The following AGAP1 variants were observed in gnomAD, a reference collection of about 807,000 sequenced individuals.
The protein encoded by AGAP1 is ArfGAP with GTPase domain, ankyrin repeat and PH domain 1.
Under a neutral mutation model 105.3 loss-of-function variants are expected in AGAP1, and 29 were observed. The ratio of observed to expected loss-of-function variants is 0.28; its 90% confidence interval spans 0.21 to 0.38. The LOEUF (loss-of-function observed/expected upper bound fraction) is 0.38. AGAP1 is among the 10% of genes least tolerant of loss of function. The pLI, the probability that AGAP1 is intolerant of heterozygous loss-of-function variation, is 1.00. For synonymous variants in AGAP1, 509 were observed against 485.9 expected, an observed-to-expected ratio of 1.05 and a Z score of -0.63; for missense variants, 998 against 1,165.1, an observed-to-expected ratio of 0.86 and a Z score of 2.09.
At chr2:235,972,101 A>T (rs1004266448) in intron 13 of AGAP1, among the ~76,000 whole-genome samples, 5 of 152,122 alleles carry the variant, frequency 3.3e-5, no homozygotes, top group African/African-American at 7.2e-5. Flanking sequence ...TGAGAATACT[A>T]TTCTATTATA....
chr2:235,855,782 A>ACGTGT lies in AGAP1; in HGVS notation c.1051-27560_1051-27559insGTCGT, dbSNP rs1248751872. 2.6e-5 allele frequency among the ~76,000 whole-genome samples: 4 copies of ACGTGT among 152,182 alleles called. No individual in the cohort carries two copies. Among genetic ancestry groups the ACGTGT allele is most frequent in the Non-Finnish European group, 5.9e-5 (4 of 68,046 alleles). ...CAGTGACAAGTGGGTGATTGGGGAC[A>ACGTGT]CGTCCTTGAGGCTCATGCCTTAGAG... On this transcript the variant is annotated intron_variant, in intron 9 of 17. Transcript: ENST00000304032. This position sits in a 1 kb window ranked among gnomAD's most constrained non-coding sequence, Gnocchi z 5.0.
rs1336447698 is a variant in AGAP1 at position 235,517,869 on chromosome 2, G to A, written c.163+23020G>A. Reference sequence around the variant, plus strand: ...GGAGAATCTCTTGAACCCGGGAAGTGTTGGAGTGAGCCAAGATTGTGCCTC... The same window carrying A: ...GGAGAATCTCTTGAACCCGGGAAGTATTGGAGTGAGCCAAGATTGTGCCTC... On this transcript the variant is annotated intron_variant, in intron 1 of 17. Coordinates refer to ENST00000304032, the MANE Select transcript of AGAP1 (RefSeq NM_001037131.3). This position sits in a 1 kb window ranked among gnomAD's most constrained non-coding sequence, Gnocchi z 4.1. 3.3e-5 allele frequency among the ~76,000 whole-genome samples: 5 copies of A among 151,080 alleles called. No individual in the cohort carries two copies. The highest frequency in any genetic ancestry group is 9.7e-5 in the African/African-American group (4 of 41,064).
intron 1 of AGAP1, among the ~76,000 whole-genome samples, chr2:235,697,949 A>G (rs893522918): frequency 1.3e-5 from 2 of 152,208 alleles, no homozygotes; most frequent in Non-Finnish European, 2.9e-5. Context: ...TACTACCAGC[A>G]TCTAAGCTGC....
rs948442634 is a variant in AGAP1 at position 236,061,554 on chromosome 2, G to A, written c.2114+12273G>A. On this transcript the variant is annotated intron_variant, in intron 16 of 17. Coordinates refer to ENST00000304032, the MANE Select transcript of AGAP1 (RefSeq NM_001037131.3). The surrounding 1 kb of genome is among the most constrained non-coding windows in gnomAD (Gnocchi z 4.1). ...GTGAAGTGTGGATACAGGTTGTAAC[G>A]TGGGTGAACCTCGAAGACATGATGC... 1.3e-5 allele frequency among the ~76,000 whole-genome samples: 2 copies of A among 152,136 alleles called. No homozygotes were observed. Among genetic ancestry groups the A allele is most frequent in the East Asian group, 1.9e-4 (1 of 5,196 alleles).
In AGAP1 at chr2:235,891,259, G is replaced by T. The variant is rs907903532; in HGVS notation, c.1155+7810G>T. Among the ~76,000 whole-genome samples the T allele has an allele frequency of 6.6e-6, 1 of 152,188 alleles. No homozygotes were observed. The highest frequency in any genetic ancestry group is 1.5e-5 in the Non-Finnish European group (1 of 68,038). On this transcript the variant is annotated intron_variant, in intron 10 of 17. Coordinates refer to ENST00000304032, the MANE Select transcript of AGAP1 (RefSeq NM_001037131.3). This position sits in a 1 kb window ranked among gnomAD's most constrained non-coding sequence, Gnocchi z 4.2. ...TAACCCTAAACATTTAAATAAGACT[G>T]ACACGGTCAAAGCAAGCACGCTGGC...
At chr2:235,617,993 T>G (rs1946362602) in intron 1 of AGAP1, among the ~76,000 whole-genome samples, 1 of 151,952 alleles carries the variant, frequency 6.6e-6, no homozygotes, top group African/African-American at 2.4e-5. Context: ...CTGAGTTGAG[T>G]AGCTCACATC....
chr2:235,513,738 C>G (rs755372029), intron 1 of AGAP1, among the ~76,000 whole-genome samples: 37 of 152,140 alleles, frequency 2.4e-4, no homozygotes, highest in Non-Finnish European at 4.4e-4. Context: ...GAACCAAATC[C>G]TGGAGCCTGG....
In AGAP1 at chr2:235,621,356, A is replaced by G. The variant is rs2149270807; in HGVS notation, c.164-87823A>G. On this transcript the variant is annotated intron_variant, in intron 1 of 17. Coordinates refer to ENST00000304032, the MANE Select transcript of AGAP1 (RefSeq NM_001037131.3). This position sits in a 1 kb window ranked among gnomAD's most constrained non-coding sequence, Gnocchi z 4.1. Reference sequence around the variant, plus strand: ...AATTTCATTGTGCCTTGGTTTCTTCATATGTTTCAATAAAATGGGTATGTT... The same window carrying G: ...AATTTCATTGTGCCTTGGTTTCTTCGTATGTTTCAATAAAATGGGTATGTT... 6.6e-6 allele frequency among the ~76,000 whole-genome samples: 1 copy of G among 152,250 alleles called. No homozygotes were observed.
chr2:235,795,578 A>C (rs898017987), intron 6 of AGAP1, among the ~76,000 whole-genome samples: 1 of 152,180 alleles, frequency 6.6e-6, no homozygotes, highest in Non-Finnish European at 1.5e-5. Context: ...ATTTTAGAAC[A>C]ATATATTTAT....
At chr2:235,571,096 C>T (rs937874073) in intron 1 of AGAP1, among the ~76,000 whole-genome samples, 1 of 152,122 alleles carries the variant, frequency 6.6e-6, no homozygotes, top group African/African-American at 2.4e-5. Context: ...TTGCAGGGGG[C>T]TGTGCCACAC....
At chr2:235,520,259 T>G (rs747330702) in intron 1 of AGAP1, among the ~76,000 whole-genome samples, 1 of 152,252 alleles carries the variant, frequency 6.6e-6, no homozygotes, top group African/African-American at 2.4e-5. Flanking sequence ...TCCAGTTGTC[T>G]CATGATTACC....
intron 9 of AGAP1, among the ~76,000 whole-genome samples, chr2:235,835,266 C>G (rs1195027738): frequency 6.6e-6 from 1 of 152,162 alleles, no homozygotes; most frequent in East Asian, 1.9e-4. Context: ...TGTTTATAAC[C>G]CTTGGAAGGT....
Position 235,864,118 on chromosome 2 carries a change from A to G in AGAP1, c.1051-19227A>G, listed in dbSNP as rs2049049759. Among the ~76,000 whole-genome samples, 2 of 152,234 alleles carry G rather than the reference A, an allele frequency of 1.3e-5. No individual in the cohort carries two copies. Among genetic ancestry groups the G allele is most frequent in the Non-Finnish European group, 1.5e-5 (1 of 68,046 alleles). On this transcript the variant is annotated intron_variant, in intron 9 of 17. Coordinates refer to ENST00000304032, the MANE Select transcript of AGAP1 (RefSeq NM_001037131.3). This position sits in a 1 kb window ranked among gnomAD's most constrained non-coding sequence, Gnocchi z 5.0. ...GCCGTTCCCACGTGATTTAATAAAC[A>G]GTTGCTGTAGCATGTGTAATCTTTG...
At chr2:236,032,787 C>T (rs752177479) in intron 13 of AGAP1, among the ~76,000 whole-genome samples, 1 of 151,906 alleles carries the variant, frequency 6.6e-6, no homozygotes. Context: ...AATCCAGGTC[C>T]GCAAGAAGGT....
At chr2:235,844,077 A>G (rs1218171796) in intron 9 of AGAP1, among the ~76,000 whole-genome samples, 2 of 152,028 alleles carry the variant, frequency 1.3e-5, no homozygotes, top group East Asian at 1.9e-4. Flanking sequence ...TGTCCTCCCC[A>G]CTGCTAATGA....
rs993431363 is a variant in AGAP1, at chr2:236,050,977, T to A, written c.2114+1696T>A. 1.3e-5 allele frequency among the ~76,000 whole-genome samples: 2 copies of A among 152,252 alleles called. No individual in the cohort carries two copies. Among genetic ancestry groups the A allele is most frequent in the Non-Finnish European group, 2.9e-5 (2 of 68,050 alleles). On this transcript the variant is annotated intron_variant, in intron 16 of 17. Transcript: ENST00000304032. This position sits in a 1 kb window ranked among gnomAD's most constrained non-coding sequence, Gnocchi z 4.0. The stretch of plus-strand genomic sequence containing the variant: ...AATTAAGTTCTTGAGTGCAGAGCCC[T>A]GTCTTTTTTCCAGTGTTACATACAT...
Position 235,982,025 on chromosome 2 carries a change from A to G in AGAP1, c.1645+13402A>G, listed in dbSNP as rs1559721926. Among the ~76,000 whole-genome samples, 1 of 152,228 alleles carries G rather than the reference A, an allele frequency of 6.6e-6. No homozygotes were observed. The highest frequency in any genetic ancestry group is 1.5e-5 in the Non-Finnish European group (1 of 68,042). ...ATTTTAATAAGTTAATATTCCAACC[A>G]TAAAAACTTCTGACATTTTACCCGA... On this transcript the variant is annotated intron_variant, in intron 13 of 17. Coordinates refer to ENST00000304032, the MANE Select transcript of AGAP1 (RefSeq NM_001037131.3). The surrounding 1 kb of genome is among the most constrained non-coding windows in gnomAD (Gnocchi z 4.9).
In AGAP1 at chr2:236,049,141, T is replaced by G. The variant is rs757713932; in HGVS notation, c.1974T>G (p.Leu658=). The change falls in exon 16 of 18, where the codon CTT becomes CTG. Residue 658 remains leucine (L), a synonymous_variant. Transcript: ENST00000304032. ...SGIHRNLGTH[L]SRVRSLDLDD... is the part of the protein sequence containing the mutation. Reference sequence around the variant, plus strand: ...TCCACCGGAATCTTGGCACCCACCTTTCCCGAGTCCGATCTCTGGACCTGG... The same window carrying G: ...TCCACCGGAATCTTGGCACCCACCTGTCCCGAGTCCGATCTCTGGACCTGG... 5 of 1,614,234 alleles carry G rather than the reference T, an allele frequency of 3.1e-6. No individual in the cohort carries two copies. The Admixed American group carries it at 8.3e-5, about 27-fold the overall frequency.
rs1957088374 is a variant in AGAP1, at chr2:235,793,325, C to T, written c.674-4434C>T. Among the ~76,000 whole-genome samples the T allele has an allele frequency of 6.6e-6, 1 of 152,168 alleles. No individual in the cohort carries two copies. The highest frequency in any genetic ancestry group is 1.5e-5 in the Non-Finnish European group (1 of 68,034). On this transcript the variant is annotated intron_variant, in intron 6 of 17. Transcript: ENST00000304032. The surrounding 1 kb of genome is among the most constrained non-coding windows in gnomAD (Gnocchi z 5.3). ...CGAGCACCTCCTGTGTGCCAGTCAC[C>T]ACACTCAGTCCTTTTCAGCATTTTG...
Sources: allele counts gnomAD v4.1 joint callset (sites outside exome capture counted in the v4.1 genomes callset), GRCh38; gene constraint gnomAD v4.1.1; non-coding constraint Gnocchi (gnomAD v3.1); transcripts MANE v1.5; gene names NCBI Gene and HGNC (gene_info 2026-07-23, HGNC 2026-07-21).